The following SLC26A3 variants were observed in gnomAD, a reference collection of about 807,000 sequenced individuals.
SLC26A3 encodes solute carrier family 26 member 3, also known as chloride anion exchanger.
In SLC26A3, 64 loss-of-function variants were observed where a neutral mutation model predicts 85.6. That is an observed-to-expected ratio of 0.75 (90% CI 0.61 to 0.92). The LOEUF (loss-of-function observed/expected upper bound fraction) is 0.92, where lower values mean the gene tolerates loss of function less well. Ranked by LOEUF, SLC26A3 falls within the 40% of genes least tolerant of loss-of-function variation. The pLI is 0.00. For synonymous variants in SLC26A3, 349 were observed against 336.0 expected (o/e 1.04, Z -0.42); for missense variants, 922 against 927.3 (o/e 0.99, Z 0.07).
At position 107,778,744 on chromosome 7, in the gene SLC26A3, C is replaced by T. The variant is rs1378298023; in HGVS notation, c.1408-463G>A. Among the ~76,000 whole-genome samples, 3 of 152,180 alleles carry T rather than the reference C, an allele frequency of 2.0e-5. No individual in the cohort carries two copies. In the East Asian group the frequency reaches 5.8e-4, roughly 29 times the overall value. ...AAGGCTCACACCTGTAATGTCAGCA[C>T]TTTGGGAGGCTGAGGTGGGAGGATC... On this transcript the variant is annotated intron_variant, in intron 12 of 20. Coordinates refer to ENST00000340010, the MANE Select transcript of SLC26A3 (RefSeq NM_000111.3).
At position 107,776,724 on chromosome 7, in the gene SLC26A3, C is replaced by T; in HGVS notation, c.1515-18G>A. ...ATTTTGGACTGTAGGGAGAAAAACA[C>T]CAAGTAAATCATTCATGTATGTTTG... On this transcript the variant is annotated intron_variant, in intron 13 of 20. Transcript: ENST00000340010. The T allele has an allele frequency of 6.2e-7, 1 of 1,608,354 alleles. No individual in the cohort carries two copies. Among genetic ancestry groups the T allele is most frequent in the Non-Finnish European group, 8.5e-7 (1 of 1,175,920 alleles).
intron 11 of SLC26A3, among the ~76,000 whole-genome samples, chr7:107,781,274 T>C (rs150484623): frequency 6.6e-6 from 1 of 152,354 alleles, no homozygotes; most frequent in African/African-American, 2.4e-5. Context: ...GAGCACTCAA[T>C]AAATACCTAT....
intron 1 of SLC26A3, among the ~76,000 whole-genome samples, chr7:107,801,426 T>A (rs1794597585): frequency 6.6e-6 from 1 of 152,158 alleles, no homozygotes; most frequent in Non-Finnish European, 1.5e-5. Context: ...CCTGGTGGCC[T>A]GGGGACAAAT....
At chr7:107,770,004 TTCTTTCTTTCTTTC>T (rs1250122960) in intron 18 of SLC26A3, among the ~76,000 whole-genome samples, 2 of 31,258 alleles carry the variant, frequency 6.4e-5, no homozygotes, top group African/African-American at 7.1e-4. Flanking sequence ...TTTTTTCTCT[TTCTTTCTTTCTTTC>T]TTTCTTTCTT....
At chr7:107,796,459 CAAG>C (rs1794501782) in intron 1 of SLC26A3, among the ~76,000 whole-genome samples, 1 of 152,144 alleles carries the variant, frequency 6.6e-6, no homozygotes, top group Non-Finnish European at 1.5e-5. Context: ...CTGCCACTCC[CAAG>C]TGCTTGTTTT....
intron 1 of SLC26A3, among the ~76,000 whole-genome samples, chr7:107,796,515 T>C (rs922557790): frequency 6.6e-5 from 10 of 152,114 alleles, no homozygotes; most frequent in Non-Finnish European, 1.5e-5. Context: ...CACCCACACT[T>C]CAGGGGTCAA....
rs532307644 is a variant in SLC26A3, at chr7:107,771,907, A to T, written c.2062+147T>A. The T allele has an allele frequency of 1.0e-5, 7 of 690,582 alleles. No homozygotes were observed. The African/African-American group carries it at 1.2e-4, about 12-fold the overall frequency. 42.8% of individuals were successfully genotyped at this position (690,582 alleles called of 1,614,324 possible). On this transcript the variant is annotated intron_variant, in intron 18 of 20. Transcript: ENST00000340010. ...ACTAAAATACAAAGATGCTGTTTCC[A>T]TAGGGATTTTTATTGGGCTGGCTGC...
At chr7:107,778,590 C>T (rs529970061) in intron 12 of SLC26A3, among the ~76,000 whole-genome samples, 2 of 152,146 alleles carry the variant, frequency 1.3e-5, no homozygotes, top group African/African-American at 4.8e-5. Flanking sequence ...AATCCCATCT[C>T]CAACTCATTT....
chr7:107,774,939 C>G (rs1794086634), intron 15 of SLC26A3, 67 bp from the exon 16 acceptor site: 2 of 1,170,754 alleles, frequency 1.7e-6, no homozygotes, highest in African/African-American at 3.0e-5. Context: ...ATAGTTCTAA[C>G]AACTTTAACT....
intron 3 of SLC26A3, 149 bp from the exon 4 acceptor site, chr7:107,792,089 A>C (rs1794413013): frequency 1.7e-6 from 1 of 598,706 alleles, no homozygotes; most frequent in Non-Finnish European, 3.0e-6. Context: ...GTAAGAACTA[A>C]AACTATAAAA....
chr7:107,788,200 A>G (rs569031619), intron 6 of SLC26A3, among the ~76,000 whole-genome samples: 10 of 152,248 alleles, frequency 6.6e-5, no homozygotes, highest in African/African-American at 2.4e-4. Context: ...ACTCCCAAAA[A>G]CTTTTGGGAG....
chr7:107,782,230 T>C (rs1044182276), intron 11 of SLC26A3, among the ~76,000 whole-genome samples: 10 of 152,322 alleles, frequency 6.6e-5, no homozygotes, highest in South Asian at 6.2e-4. Flanking sequence ...GTATGTTTTA[T>C]ATCTGAGTGC....
chr7:107,786,724 G>A, intron 8 of SLC26A3, 103 bp downstream of exon 8: 1 of 949,014 alleles, frequency 1.1e-6, no homozygotes, highest in Non-Finnish European at 1.7e-6. Flanking sequence ...TTCTGATGAG[G>A]GTTACCTGCA....
chr7:107,786,068 G>A (rs577131507), intron 8 of SLC26A3, among the ~76,000 whole-genome samples: 19 of 152,320 alleles, frequency 1.2e-4, no homozygotes. Context: ...TCCTTTTGCA[G>A]TGGGAAAAGT....
At chr7:107,770,164 T>TGA (rs1392355844) in intron 18 of SLC26A3, among the ~76,000 whole-genome samples, 2 of 11,822 alleles carry the variant, frequency 1.7e-4, no homozygotes, top group African/African-American at 1.0e-3. Context: ...TTTTTTTTTT[T>TGA]TTTTTTTTTT....
chr7:107,789,768 T>C, intron 5 of SLC26A3, 80 bp from the exon 6 acceptor site: 1 of 1,422,050 alleles, frequency 7.0e-7, no homozygotes, highest in African/African-American at 1.4e-5. Context: ...ACTGAAATAA[T>C]ATTACACAAA....
chr7:107,767,526 GT>G (rs558627605), intron 20 of SLC26A3, 52 bp downstream of exon 20: 249 of 1,357,134 alleles, frequency 1.8e-4, no homozygotes, highest in Non-Finnish European at 2.1e-4. Context: ...TACTTTGAAG[GT>G]TTTTTTTTGC....
intron 16 of SLC26A3, 115 bp downstream of exon 16, chr7:107,774,662 C>T: frequency 3.7e-6 from 3 of 814,212 alleles, no homozygotes; most frequent in Non-Finnish European, 6.4e-6. Context: ...CACTCATTGA[C>T]ACATGAAATC....
chr7:107,776,283 C>T lies in SLC26A3; in HGVS notation c.1677+169G>A, dbSNP rs140272866. Reference sequence around the variant, plus strand: ...TATTTCCCAACCTATTAACAAACTCCCCATAAGGTAGTTTCATCTGTTCTG... The same window carrying T: ...TATTTCCCAACCTATTAACAAACTCTCCATAAGGTAGTTTCATCTGTTCTG... On this transcript the variant is annotated intron_variant, in intron 15 of 20. Coordinates refer to ENST00000340010, the MANE Select transcript of SLC26A3 (RefSeq NM_000111.3). 4 of 662,538 alleles carry T rather than the reference C, an allele frequency of 6.0e-6. No homozygotes were observed. The Admixed American group carries it at 9.4e-5, about 16-fold the overall frequency. 41.0% of individuals were successfully genotyped at this position (662,538 alleles called of 1,614,324 possible).
Sources: allele counts gnomAD v4.1 joint callset (sites outside exome capture counted in the v4.1 genomes callset), GRCh38; gene constraint gnomAD v4.1.1; transcripts MANE v1.5; gene names NCBI Gene and HGNC (gene_info 2026-07-23, HGNC 2026-07-21).